The following DOP1B variants were observed in gnomAD, a reference collection of about 807,000 sequenced individuals.
The protein encoded by DOP1B is protein DOP1B.
DOP1B carries 174 observed loss-of-function variants against 233.5 expected under a neutral mutation model. The observed-to-expected ratio is 0.75, with a 90% CI of 0.66 to 0.85. The LOEUF (loss-of-function observed/expected upper bound fraction) is 0.85, where lower values mean the gene tolerates loss of function less well. DOP1B is among the 40% of genes least tolerant of loss of function. DOP1B has a pLI of 0.00. For synonymous variants in DOP1B, 1,190 were observed against 1,185.6 expected (o/e 1.00, Z -0.08); for missense variants, 2,652 against 2,846.6 (o/e 0.93, Z 1.56).
chr21:36,260,228 G>A (rs1301743873), intron 23 of DOP1B, among the ~76,000 whole-genome samples: 5 of 144,090 alleles, frequency 3.5e-5, no homozygotes, highest in Non-Finnish European at 7.5e-5. Context: ...GGAAGGGAAG[G>A]GGAAGGGAAG....
chr21:36,169,301 T>G (rs2065947880), intron 2 of DOP1B: 2 of 789,466 alleles, frequency 2.5e-6, no homozygotes, highest in East Asian at 4.9e-5. Flanking sequence ...TTTGCTGTCC[T>G]CAGTAAGGTA....
intron 1 of DOP1B, among the ~76,000 whole-genome samples, chr21:36,158,393 C>T (rs1413232310): frequency 6.6e-6 from 1 of 152,144 alleles, no homozygotes; most frequent in African/African-American, 2.4e-5. Flanking sequence ...GACCTGAGCT[C>T]GAATCTGGTT....
At chr21:36,198,135 A>G (rs139528464) in intron 2 of DOP1B, among the ~76,000 whole-genome samples, 2 of 152,174 alleles carry the variant, frequency 1.3e-5, no homozygotes, top group African/African-American at 2.4e-5. Flanking sequence ...ACACTGTGTT[A>G]TAAGATTAAG....
intron 1 of DOP1B, among the ~76,000 whole-genome samples, chr21:36,161,895 G>A (rs553979217): frequency 4.6e-5 from 7 of 152,262 alleles, no homozygotes; most frequent in South Asian, 2.1e-4. Context: ...TCCACTAAGC[G>A]TGTGTTTTCA....
chr21:36,237,345 G>A lies in DOP1B; in HGVS notation c.2706G>A (p.Leu902=), dbSNP rs2066839953. The A allele has an allele frequency of 6.2e-7, 1 of 1,614,186 alleles. No individual in the cohort carries two copies. Among genetic ancestry groups the A allele is most frequent in the East Asian group, 2.2e-5 (1 of 44,880 alleles). The change falls in exon 16 of 37, where the codon CTG becomes CTA. Residue 902 remains leucine (L), a synonymous_variant. Transcript: ENST00000691173. ...HVTCVELFYR[L]HCLAPTANIC... Reference sequence around the variant, plus strand: ...CCTGCGTAGAATTGTTCTACCGGCTGCACTGCCTGGCCCCTACGGCCAACA... The same window carrying A: ...CCTGCGTAGAATTGTTCTACCGGCTACACTGCCTGGCCCCTACGGCCAACA...
At chr21:36,240,062 T>G in intron 18 of DOP1B, 107 bp downstream of exon 18, 1 of 1,272,684 alleles carries the variant, frequency 7.9e-7, no homozygotes. Flanking sequence ...TTTTGTTAGA[T>G]GCAAATGGTA....
At position 36,214,065 on chromosome 21, in the gene DOP1B, G is replaced by A. The variant is rs757681952; in HGVS notation, c.905-16G>A. 15 of 1,590,406 alleles carry A rather than the reference G, an allele frequency of 9.4e-6. No individual in the cohort carries two copies. The highest frequency in any genetic ancestry group is 6.8e-5 in the Admixed American group (4 of 58,674). On this transcript the variant is annotated splice_polypyrimidine_tract_variant and intron_variant, in intron 7 of 36. Coordinates refer to ENST00000691173, the MANE Select transcript of DOP1B (RefSeq NM_001320714.2). ...AGCACAGCTCTCTTTACAGCTCGGC[G>A]CTTGTTCTTTTGTAGGCTCAGACAT... is the stretch of plus-strand genomic sequence containing the variant.
chr21:36,230,163 A>G (rs1337152458), intron 13 of DOP1B, among the ~76,000 whole-genome samples: 1 of 152,052 alleles, frequency 6.6e-6, no homozygotes, highest in African/African-American at 2.4e-5. Flanking sequence ...ACTTTTTTGA[A>G]CTCTAAAGGG....
intron 32 of DOP1B, among the ~76,000 whole-genome samples, chr21:36,281,858 A>G (rs1323893520): frequency 6.6e-6 from 1 of 152,152 alleles, no homozygotes; most frequent in Non-Finnish European, 1.5e-5. Context: ...ATGTGGCCTA[A>G]TCACCTCTTA....
chr21:36,227,476 G>A (rs528647685), intron 12 of DOP1B, among the ~76,000 whole-genome samples: 46 of 151,962 alleles, frequency 3.0e-4, no homozygotes, highest in Middle Eastern at 3.4e-3. Context: ...GAACCCGGGA[G>A]GCTGAGCTTG....
intron 2 of DOP1B, among the ~76,000 whole-genome samples, chr21:36,188,540 A>C (rs2066192936): frequency 6.6e-6 from 1 of 152,158 alleles, no homozygotes; most frequent in South Asian, 2.1e-4. Context: ...CAGGTGCTTC[A>C]CTGAGCGTTT....
Position 36,245,238 on chromosome 21 carries a change from GGA to G in DOP1B, c.3259_3260del (p.Glu1087ArgfsTer103). On this transcript the variant is annotated frameshift_variant, in exon 19 of 37. Coordinates refer to ENST00000691173, the MANE Select transcript of DOP1B (RefSeq NM_001320714.2). LOFTEE classifies it high-confidence loss of function. The surrounding 1 kb of genome is among the most constrained non-coding windows in gnomAD (Gnocchi z 5.5). ...ACCCGCTGCGAGGCGAGCTGAGCGA[GGA>G]AGAGCTGCCCTACTACGTGGAGCTT... ...KYPLRGELSE[E>X]ELPYYVELPD... 6.2e-7 allele frequency: 1 copy of G among 1,614,154 alleles called. No individual in the cohort carries two copies. The highest frequency in any genetic ancestry group is 8.5e-7 in the Non-Finnish European group (1 of 1,180,052).
chr21:36,201,688 G>T (rs1227480923), intron 4 of DOP1B, among the ~76,000 whole-genome samples: 1 of 152,004 alleles, frequency 6.6e-6, no homozygotes, highest in Non-Finnish European at 1.5e-5. Context: ...CATTAAACTA[G>T]GCTGCTTCTA....
intron 1 of DOP1B, among the ~76,000 whole-genome samples, chr21:36,158,610 C>G (rs1472358277): frequency 6.6e-6 from 1 of 151,958 alleles, no homozygotes; most frequent in Non-Finnish European, 1.5e-5. Flanking sequence ...CAAGACCATC[C>G]TGGCCAACAT....
rs1430328910 is a variant in DOP1B at position 36,292,125 on chromosome 21, A to G, written c.6537A>G (p.Pro2179=). Residue 2179 remains proline, a synonymous_variant, in exon 36 of 37, where the codon CCA becomes CCG. Coordinates refer to ENST00000691173, the MANE Select transcript of DOP1B (RefSeq NM_001320714.2). ...GCAGTTATAGGTGGGCATTTATTCC[A>G]GAAGTGGACACAGAGGGCCCTGCCT... The part of the protein sequence containing the change: ...LFQIYRWAFI[P]EVDTEGPAFL... The G allele has an allele frequency of 1.2e-6, 2 of 1,609,084 alleles. No individual in the cohort carries two copies. Among genetic ancestry groups the G allele is most frequent in the Non-Finnish European group, 1.7e-6 (2 of 1,178,564 alleles).
Position 36,230,888 on chromosome 21 carries a change from G to A in DOP1B, c.2104G>A (p.Ala702Thr). 6.2e-7 allele frequency: 1 copy of A among 1,614,110 alleles called. No homozygotes were observed. The highest frequency in any genetic ancestry group is 8.5e-7 in the Non-Finnish European group (1 of 1,180,018). Residue 702 changes from alanine to threonine, a missense_variant, in exon 14 of 37, where the codon GCA (alanine) becomes ACA (threonine). Physicochemically the swap from Ala to Thr is moderately conservative, Grantham distance 58. Around this residue, in one of 3 missense-constraint regions of DOP1B, gnomAD observed 2,617 missense variants for 2,794.3 expected, o/e 0.94. Coordinates refer to ENST00000691173, the MANE Select transcript of DOP1B (RefSeq NM_001320714.2). ...GCAGATGCTGTCAGACTTGTTCACA[G>A]CACGAGGGTCTCCATTCAAGACAAA... ...FKQMLSDLFT[A>T]RGSPFKTKSS...
chr21:36,239,715 G>A, intron 17 of DOP1B, 50 bp from the exon 18 acceptor site: 1 of 1,481,978 alleles, frequency 6.7e-7, no homozygotes, highest in South Asian at 1.4e-5. Context: ...ACGGTGCCTG[G>A]CGCACAGGGG....
At chr21:36,208,181 A>C (rs1378647561) in intron 4 of DOP1B, among the ~76,000 whole-genome samples, 1 of 151,992 alleles carries the variant, frequency 6.6e-6, no homozygotes, top group Non-Finnish European at 1.5e-5. Context: ...GGGTCGTGGG[A>C]GGCCCCAGGC....
intron 32 of DOP1B, among the ~76,000 whole-genome samples, chr21:36,283,223 G>A (rs2067438803): frequency 6.6e-6 from 1 of 151,894 alleles, no homozygotes; most frequent in Non-Finnish European, 1.5e-5. Flanking sequence ...TGGGATTACA[G>A]GCACCCACCA....
Sources: gnomAD v4.1 joint callset for allele counts (sites outside exome capture counted in the v4.1 genomes callset) on GRCh38, gnomAD v4.1.1 for gene constraint, gnomAD v4.1.1 regional missense constraint, Gnocchi (gnomAD v3.1) non-coding constraint, MANE v1.5 for transcripts, NCBI Gene and HGNC (gene_info 2026-07-23, HGNC 2026-07-21) for gene names.